The following HERC2 variants were observed in gnomAD, a reference collection of about 807,000 sequenced individuals.
HERC2 encodes the protein E3 ubiquitin-protein ligase HERC2.
In HERC2, 102 loss-of-function variants were observed where a neutral mutation model predicts 537.7. The ratio of observed to expected loss-of-function variants is 0.19; its 90% CI spans 0.16 to 0.22. HERC2 has a LOEUF of 0.22. Among genes scored for constraint, HERC2 ranks in the 10% least tolerant of loss-of-function variants. The probability of loss-of-function intolerance (pLI) is 1.00; values close to 1 mark genes in which losing one functional copy is unlikely to be tolerated. For synonymous variants in HERC2, 2,224 were observed against 2,466.2 expected (o/e 0.90, Z 2.91); for missense variants, 4,236 against 6,198.2 (o/e 0.68, Z 10.63).
At chr15:28,230,562 GAAATACTTAGATTT>G in intron 30 of HERC2, 62 bp from the exon 31 acceptor site, 1 of 1,083,600 alleles carries the variant, frequency 9.2e-7, no homozygotes, top group South Asian at 1.4e-5. Flanking sequence ...TTTAAATTAA[GAAATACTTAGATTT>G]ACATGAAGGA....
chr15:28,296,459 C>T (rs1401030272), intron 3 of HERC2, among the ~76,000 whole-genome samples: 1 of 152,062 alleles, frequency 6.6e-6, no homozygotes, highest in South Asian at 2.1e-4. Flanking sequence ...AGCGACAGAA[C>T]AAGACTCCCT....
chr15:28,276,109 C>G (rs1380296619), intron 5 of HERC2, among the ~76,000 whole-genome samples: 2 of 146,948 alleles, frequency 1.4e-5, no homozygotes, highest in African/African-American at 2.6e-5. Flanking sequence ...TCACTTAAAC[C>G]TGGGAGACAA....
At chr15:28,200,443 G>A (rs1284850295) in intron 48 of HERC2, among the ~76,000 whole-genome samples, 1 of 151,988 alleles carries the variant, frequency 6.6e-6, no homozygotes, top group Non-Finnish European at 1.5e-5. Context: ...CAGGAAGAGG[G>A]CCATCACCAG....
At position 28,117,117 on chromosome 15, in the gene HERC2, G is replaced by C; in HGVS notation, c.13310C>G (p.Pro4437Arg). The C allele has an allele frequency of 1.9e-6, 3 of 1,614,058 alleles. No homozygotes were observed. Among genetic ancestry groups the C allele is most frequent in the Non-Finnish European group, 2.5e-6 (3 of 1,180,010 alleles). Residue 4437 changes from proline to arginine, a missense_variant, in exon 87 of 93, where the codon CCC becomes CGC. By Grantham distance (103) the Pro-to-Arg change is moderately radical. Around this residue, in one of 27 missense-constraint regions of HERC2, gnomAD observed 29 missense variants for 102.1 expected, o/e 0.28. Transcript: ENST00000261609. ...RSRSKGGLAG[P>R]DGTKSVFGQM... ...CCCAAAGACAGACTTGGTGCCGTCG[G>C]GGCCGGCCAGCCCGCCTTTGCTCCT...
chr15:28,263,568 T>C (rs1470508481), intron 14 of HERC2, among the ~76,000 whole-genome samples: 1 of 151,316 alleles, frequency 6.6e-6, no homozygotes. Context: ...TGCTGACCGG[T>C]GGTCAACTGT....
Position 28,270,686 on chromosome 15 carries a change from C to G in HERC2, c.1257+9G>C, listed in dbSNP as rs1429367381. On this transcript the variant is annotated intron_variant, in intron 10 of 92. Coordinates refer to ENST00000261609, the MANE Select transcript of HERC2 (RefSeq NM_004667.6). ...AAACACATGGAGAACACGGTTCTTG[C>G]ACACACACCTTATGAGATGTCGGAG... 1 of 1,612,034 alleles carries G rather than the reference C, an allele frequency of 6.2e-7. No individual in the cohort carries two copies. Among genetic ancestry groups the G allele is most frequent in the African/African-American group, 1.3e-5 (1 of 74,842 alleles).
chr15:28,294,054 C>A (rs907138345), intron 3 of HERC2, among the ~76,000 whole-genome samples: 2 of 152,220 alleles, frequency 1.3e-5, no homozygotes, highest in African/African-American at 4.8e-5. Flanking sequence ...TAATGACTAT[C>A]TAAAAATCTC....
intron 2 of HERC2, chr15:28,315,967 C>A: frequency 2.6e-6 from 1 of 382,226 alleles, no homozygotes; most frequent in East Asian, 4.4e-5. Flanking sequence ...CATGTTGGAC[C>A]TCTGCCCTGG....
chr15:28,292,159 G>A (rs2141137666), intron 4 of HERC2, among the ~76,000 whole-genome samples: 1 of 150,006 alleles, frequency 6.7e-6, no homozygotes, highest in South Asian at 2.1e-4. Flanking sequence ...AACCTGGGAG[G>A]TGGAGATTGC....
rs1222495766 is a variant in HERC2, at chr15:28,215,673, A to C, written c.6158T>G (p.Met2053Arg). Residue 2053 changes from methionine (M) to arginine (R), a missense_variant, in exon 39 of 93, where the codon ATG becomes AGG. This residue lies in a region of HERC2 where 365 missense variants were observed against 468.8 expected (regional missense o/e 0.78). Transcript: ENST00000261609. ...GGGTGCGTGCCCTTCCACGACCTTCATGAGCAGCGTGATCCACTGCGGGGA... is the reference window on the plus strand; with the variant it reads ...GGGTGCGTGCCCTTCCACGACCTTCCTGAGCAGCGTGATCCACTGCGGGGA... ...LSSPQWITLLMKVVEGHAPFT... is the reference protein window; with the variant it reads ...LSSPQWITLLRKVVEGHAPFT... 1 of 1,611,856 alleles carries C rather than the reference A, an allele frequency of 6.2e-7. No homozygotes were observed. The highest frequency in any genetic ancestry group is 1.1e-5 in the South Asian group (1 of 90,990).
At chr15:28,220,672 A>G in intron 36 of HERC2, 28 bp from the exon 37 acceptor site, 2 of 1,595,996 alleles carry the variant, frequency 1.3e-6, no homozygotes, top group Non-Finnish European at 1.7e-6. Flanking sequence ...GAGATCAGTT[A>G]GGAGGGTGCG....
intron 16 of HERC2, among the ~76,000 whole-genome samples, chr15:28,257,496 T>G (rs2075297637): frequency 6.6e-6 from 1 of 152,202 alleles, no homozygotes; most frequent in South Asian, 2.1e-4. Flanking sequence ...AAAAGCATTT[T>G]TAACAATCTT....
intron 65 of HERC2, among the ~76,000 whole-genome samples, chr15:28,172,209 T>C (rs766153348): frequency 2.6e-5 from 4 of 152,186 alleles, no homozygotes; most frequent in East Asian, 1.9e-4. Context: ...CCTTTCCACA[T>C]TGACTTACAG....
In HERC2 at chr15:28,198,726, C is replaced by A; in HGVS notation, c.7760G>T (p.Cys2587Phe). ...GATGACTTTGCCAACATCACCTTCG[C>A]ACACTTCTTCATACGCTCGGCAGCA... ...VRCCRAYEEV[C>F]EGDVGKVIKL... is the part of the protein sequence containing the mutation. Residue 2587 changes from cysteine (C) to phenylalanine (F), a missense_variant, in exon 49 of 93, where the codon TGC (cysteine) becomes TTC (phenylalanine). Around this residue, in one of 27 missense-constraint regions of HERC2, gnomAD observed 606 missense variants for 884.5 expected, o/e 0.69. Transcript: ENST00000261609. 1.2e-6 allele frequency: 2 copies of A among 1,614,116 alleles called. No individual in the cohort carries two copies. The highest frequency in any genetic ancestry group is 1.7e-6 in the Non-Finnish European group (2 of 1,180,004).
intron 20 of HERC2, among the ~76,000 whole-genome samples, chr15:28,249,901 C>T (rs1041270467): frequency 2.6e-5 from 4 of 151,616 alleles, no homozygotes; most frequent in South Asian, 4.2e-4. Context: ...GTGATTCACC[C>T]GCCTCAGCCT....
chr15:28,149,130 C>T (rs1566944615), intron 70 of HERC2, among the ~76,000 whole-genome samples: 1 of 151,646 alleles, frequency 6.6e-6, no homozygotes, highest in African/African-American at 2.4e-5. Context: ...GTAATATTAC[C>T]AAAAAAACAC....
At chr15:28,317,723 T>C (rs561052554) in intron 2 of HERC2, among the ~76,000 whole-genome samples, 2 of 152,270 alleles carry the variant, frequency 1.3e-5, no homozygotes, top group South Asian at 2.1e-4. Context: ...GTAGTAGTAG[T>C]TACATTTACA....
At chr15:28,165,195 G>A (rs1894001984) in intron 68 of HERC2, among the ~76,000 whole-genome samples, 1 of 152,194 alleles carries the variant, frequency 6.6e-6, no homozygotes, top group Non-Finnish European at 1.5e-5. Context: ...GAGGGCCAGA[G>A]GTCACGTAGG....
chr15:28,244,943 C>T (rs1487083190), intron 23 of HERC2, among the ~76,000 whole-genome samples: 1 of 152,060 alleles, frequency 6.6e-6, no homozygotes, highest in African/African-American at 2.4e-5. Flanking sequence ...AAGCTAGAAC[C>T]ATAGAAAGCA....
Sources: allele counts gnomAD v4.1 joint callset (sites outside exome capture counted in the v4.1 genomes callset), GRCh38; gene constraint gnomAD v4.1.1; regional missense constraint gnomAD v4.1.1; transcripts MANE v1.5; gene names NCBI Gene and HGNC (gene_info 2026-07-23, HGNC 2026-07-21).